The following ARMC2 variants were observed in gnomAD, a reference collection of about 807,000 sequenced individuals.
ARMC2 encodes the protein armadillo repeat-containing protein 2.
Under a neutral mutation model 90.3 loss-of-function variants are expected in ARMC2, and 67 were observed. The observed-to-expected ratio is 0.74, with a 90% CI of 0.61 to 0.91. The LOEUF (loss-of-function observed/expected upper bound fraction) is 0.91, where lower values mean the gene tolerates loss of function less well. Ranked by LOEUF, ARMC2 falls within the 40% of genes least tolerant of loss-of-function variation. ARMC2 has a pLI of 0.00. For synonymous variants in ARMC2, 393 were observed against 393.0 expected, an observed-to-expected ratio of 1.00 and a Z score of 0.00; for missense variants, 920 against 1,030.9, an observed-to-expected ratio of 0.89 and a Z score of 1.47.
intron 5 of ARMC2, among the ~76,000 whole-genome samples, chr6:108,877,487 A>G (rs749642207): frequency 9.9e-5 from 15 of 152,224 alleles, no homozygotes; most frequent in Non-Finnish European, 2.2e-4. Flanking sequence ...CCTTAAGTGG[A>G]AGAGAACGAC....
At chr6:108,929,133 C>T (rs1288740901) in intron 11 of ARMC2, among the ~76,000 whole-genome samples, 1 of 152,078 alleles carries the variant, frequency 6.6e-6, no homozygotes, top group Admixed American at 6.5e-5. Flanking sequence ...CCCCAGCCCC[C>T]TCCTTCCCTC....
downstream of ARMC2, among the ~76,000 whole-genome samples, chr6:108,977,650 C>G (rs989557508): frequency 6.6e-6 from 1 of 152,144 alleles, no homozygotes; most frequent in Non-Finnish European, 1.5e-5. Context: ...GGTTGATATG[C>G]TATTAATTGC....
chr6:108,855,997 C>T (rs142159784), intron 2 of ARMC2, among the ~76,000 whole-genome samples: 11 of 152,236 alleles, frequency 7.2e-5, no homozygotes, highest in Non-Finnish European at 1.6e-4. Flanking sequence ...TCCTGCTCTG[C>T]AGCTTTTCTT....
chr6:109,001,368 T>A, the ARMC2 span: 1 of 1,613,902 alleles, frequency 6.2e-7, no homozygotes. Context: ...TTTAAGAAAC[T>A]TTCTAAATAT....
intron 13 of ARMC2, among the ~76,000 whole-genome samples, chr6:108,954,172 A>G (rs1324466549): frequency 6.6e-6 from 1 of 152,192 alleles, no homozygotes; most frequent in South Asian, 2.1e-4. Context: ...CTTATCTCCA[A>G]ATACAAGCAT....
Position 108,865,573 on chromosome 6 carries a change from G to A in ARMC2, c.292-3251G>A, listed in dbSNP as rs75051197. 4.2e-3 allele frequency among the ~76,000 whole-genome samples: 639 copies of A among 152,238 alleles called. 2 individuals are homozygous for A. Among genetic ancestry groups the A allele is most frequent in the African/African-American group, 0.014 (582 of 41,530 alleles). ...TAAATGTCAGTAGTAAAATGGAACC[G>A]AATTTTTATTATATACAGTTACTAA... On this transcript the variant is annotated intron_variant, in intron 3 of 17. Coordinates refer to ENST00000392644, the MANE Select transcript of ARMC2 (RefSeq NM_032131.6).
chr6:108,964,882 C>T (rs1778254822), intron 16 of ARMC2, 98 bp from the exon 17 acceptor site: 7 of 921,436 alleles, frequency 7.6e-6, no homozygotes, highest in Non-Finnish European at 1.2e-5. Context: ...CTGGATTATA[C>T]TTACATATCA....
At chr6:108,980,901 A>G in the ARMC2 span, among the ~76,000 whole-genome samples, 54 of 152,144 alleles carry the variant, frequency 3.5e-4, 1 homozygote. Context: ...AAAACAAAAC[A>G]AAACAAAAAA....
At position 108,858,151 on chromosome 6, in the gene ARMC2, A is replaced by G. The variant is rs1203240346; in HGVS notation, c.219-48A>G. 6 of 1,463,120 alleles carry G rather than the reference A, an allele frequency of 4.1e-6. No individual in the cohort carries two copies. In the South Asian group the frequency reaches 7.3e-5, roughly 18 times the overall value. The allele number at this position is 1,463,120 out of a possible 1,614,324, so 90.6% of individuals were successfully genotyped here. ...GTTAACTAATATATACTATAAATAA[A>G]GAAATAATTCTTCACAAACTAACAC... On this transcript the variant is annotated intron_variant, in intron 2 of 17. Coordinates refer to ENST00000392644, the MANE Select transcript of ARMC2 (RefSeq NM_032131.6).
At chr6:109,012,803 G>A in the ARMC2 span, among the ~76,000 whole-genome samples, 2 of 151,998 alleles carry the variant, frequency 1.3e-5, no homozygotes, top group South Asian at 2.1e-4. Flanking sequence ...GGAGAGTAAC[G>A]GAAGGAGTTT....
intron 12 of ARMC2, among the ~76,000 whole-genome samples, chr6:108,939,373 G>C (rs924321280): frequency 6.6e-6 from 1 of 152,134 alleles, no homozygotes; most frequent in African/African-American, 2.4e-5. Flanking sequence ...ATCATGGGCG[G>C]AGTTCTCACG....
the ARMC2 span, among the ~76,000 whole-genome samples, chr6:109,011,057 T>C: frequency 6.6e-6 from 1 of 152,278 alleles, no homozygotes; most frequent in East Asian, 1.9e-4. Context: ...TATGATTTTA[T>C]TTCTGAAGGA....
At chr6:108,875,874 C>T (rs189093468) in intron 4 of ARMC2, among the ~76,000 whole-genome samples, 5 of 152,134 alleles carry the variant, frequency 3.3e-5, no homozygotes, top group Admixed American at 2.6e-4. Flanking sequence ...AGTTTATGAG[C>T]CTGAAGTTGC....
chr6:108,856,087 T>C (rs1377595325), intron 2 of ARMC2, among the ~76,000 whole-genome samples: 1 of 152,244 alleles, frequency 6.6e-6, no homozygotes, highest in Admixed American at 6.5e-5. Flanking sequence ...CTTTCTTTCA[T>C]GGATCTTGCT....
chr6:109,004,197 G>A, the ARMC2 span, among the ~76,000 whole-genome samples: 1 of 151,934 alleles, frequency 6.6e-6, no homozygotes, highest in Non-Finnish European at 1.5e-5. Context: ...AAACATTATA[G>A]TACTAGAAGA....
In ARMC2 at chr6:108,894,361, C is replaced by G. The variant is rs144172293; in HGVS notation, c.672-106C>G. Reference sequence around the variant, plus strand: ...TCTAGCCTGGATGACAGAGTGAGACCTATCTCAAAATAATAAATAAGAAAC... The same window carrying G: ...TCTAGCCTGGATGACAGAGTGAGACGTATCTCAAAATAATAAATAAGAAAC... On this transcript the variant is annotated intron_variant, in intron 5 of 17. Coordinates refer to ENST00000392644, the MANE Select transcript of ARMC2 (RefSeq NM_032131.6). 6.3e-5 allele frequency: 59 copies of G among 937,914 alleles called. 2 individuals carry two copies. The African/African-American group carries it at 9.7e-4, about 15-fold the overall frequency. The allele number at this position is 937,914 out of a possible 1,614,324, so 58.1% of individuals were successfully genotyped here. A position where few individuals can be genotyped will look rare whatever the true frequency, so the allele number is the denominator to read the frequency against.
In ARMC2 at chr6:108,911,118, C is replaced by A. The variant is rs1353960684; in HGVS notation, c.1126+117C>A. ...GAATATTTTGTTTTCTAGAAACATG[C>A]AGAAGTTATGTGATGCTCATTTTTA... On this transcript the variant is annotated intron_variant, in intron 9 of 17. Coordinates refer to ENST00000392644, the MANE Select transcript of ARMC2 (RefSeq NM_032131.6). 5 of 672,330 alleles carry A rather than the reference C, an allele frequency of 7.4e-6. No individual in the cohort carries two copies. In the East Asian group the frequency reaches 1.5e-4, roughly 21 times the overall value. 41.6% of individuals were successfully genotyped at this position (672,330 alleles called of 1,614,324 possible).
rs756932457 is a variant in ARMC2 at position 108,868,781 on chromosome 6, A to G, written c.292-43A>G. Reference sequence around the variant, plus strand: ...AGCTCTGAGGTAAGTGTTATTTGAGACGCAGAAAGTCATTCCAGTTATTTA... The same window carrying G: ...AGCTCTGAGGTAAGTGTTATTTGAGGCGCAGAAAGTCATTCCAGTTATTTA... On this transcript the variant is annotated intron_variant, in intron 3 of 17. Transcript: ENST00000392644. 14 of 1,590,042 alleles carry G rather than the reference A, an allele frequency of 8.8e-6. No homozygotes were observed. The East Asian group carries it at 3.1e-4, about 36-fold the overall frequency.
the ARMC2 span, among the ~76,000 whole-genome samples, chr6:108,989,722 C>T: frequency 2.0e-5 from 3 of 152,082 alleles, no homozygotes; most frequent in Non-Finnish European, 4.4e-5. Flanking sequence ...AAGGCAGGGG[C>T]TGCGAGGAGA....
Sources: allele counts gnomAD v4.1 joint callset (sites outside exome capture counted in the v4.1 genomes callset), GRCh38; gene constraint gnomAD v4.1.1; transcripts MANE v1.5; gene names NCBI Gene and HGNC (gene_info 2026-07-23, HGNC 2026-07-21).